The following SLC36A1 variants were observed in gnomAD, a reference collection of about 807,000 sequenced individuals.
The protein encoded by SLC36A1 is solute carrier family 36 member 1, also known as proton-coupled amino acid transporter 1.
In SLC36A1, 30 loss-of-function variants were observed where a neutral mutation model predicts 47.5. The ratio of observed to expected loss-of-function variants is 0.63; its 90% CI spans 0.47 to 0.86. The LOEUF (loss-of-function observed/expected upper bound fraction) is 0.86. Ranked by LOEUF, SLC36A1 falls within the 40% of genes least tolerant of loss-of-function variation. The probability of loss-of-function intolerance (pLI) is 0.00; values close to 1 mark genes in which losing one functional copy is unlikely to be tolerated. For synonymous variants in SLC36A1, 255 were observed against 249.7 expected (o/e 1.02, Z -0.20); for missense variants, 517 against 606.0 (o/e 0.85, Z 1.54).
intron 1 of SLC36A1, among the ~76,000 whole-genome samples, chr5:151,452,169 T>G (rs1319533681): frequency 1.3e-5 from 2 of 152,242 alleles, no homozygotes; most frequent in Non-Finnish European, 2.9e-5. Context: ...TGTTCTAGCA[T>G]CAGACTCCTA....
chr5:151,552,659 C>A, the SLC36A1 span, among the ~76,000 whole-genome samples: 1 of 152,158 alleles, frequency 6.6e-6, no homozygotes, highest in Admixed American at 6.5e-5. Context: ...GATGTTGAAA[C>A]AAAACCTTGA....
At chr5:151,522,119 C>T in the SLC36A1 span, 1 of 1,501,304 alleles carries the variant, frequency 6.7e-7, no homozygotes, top group Non-Finnish European at 9.0e-7. Context: ...TGTCACCCAA[C>T]AGAACTGCAG....
chr5:151,384,472 T>C, the SLC36A1 span, among the ~76,000 whole-genome samples: 1 of 150,838 alleles, frequency 6.6e-6, no homozygotes, highest in African/African-American at 2.5e-5. Flanking sequence ...AAGGCAAACA[T>C]ATATGTTTCA....
intron 1 of SLC36A1, among the ~76,000 whole-genome samples, chr5:151,440,989 G>T (rs1413156908): frequency 6.6e-6 from 1 of 152,196 alleles, no homozygotes; most frequent in African/African-American, 2.4e-5. Flanking sequence ...CTCCTAGAGG[G>T]CTTTTCAAAA....
chr5:151,551,575 CTCAATG>C, the SLC36A1 span: 1 of 1,614,212 alleles, frequency 6.2e-7, no homozygotes. Flanking sequence ...CTGTGGTCTT[CTCAATG>C]TCAAAGTCCA....
At chr5:151,507,372 G>T in the SLC36A1 span, 22 of 1,614,082 alleles carry the variant, frequency 1.4e-5, no homozygotes, top group Non-Finnish European at 1.6e-5. Context: ...GAGCTCGATG[G>T]CAGGCATGGC....
chr5:151,463,597 C>G lies in SLC36A1; in HGVS notation c.188C>G (p.Thr63Arg). The part of the protein sequence containing the change: ...LIHLLKGNIG[T>R]GLLGLPLAVK... ...CACCTGTTAAAAGGCAACATTGGCA[C>G]AGGACTCCTGGGACTCCCTCTGGCG... Residue 63 changes from threonine to arginine, a missense_variant, in exon 3 of 11, where the codon ACA becomes AGA. Thr to Arg is a moderately conservative substitution (Grantham distance 71). Transcript: ENST00000243389. 6.2e-7 allele frequency: 1 copy of G among 1,614,184 alleles called. No homozygotes were observed. Among genetic ancestry groups the G allele is most frequent in the African/African-American group, 1.3e-5 (1 of 75,048 alleles).
the SLC36A1 span, chr5:151,507,549 C>G: frequency 6.2e-7 from 1 of 1,614,156 alleles, no homozygotes; most frequent in Non-Finnish European, 8.5e-7. Context: ...CCAGTCCCCC[C>G]TTTGGATCTC....
chr5:151,549,002 T>C, the SLC36A1 span, among the ~76,000 whole-genome samples: 2 of 152,226 alleles, frequency 1.3e-5, no homozygotes, highest in Non-Finnish European at 2.9e-5. Flanking sequence ...TTTTAAATGT[T>C]GCATGGACTT....
the SLC36A1 span, among the ~76,000 whole-genome samples, chr5:151,408,241 T>C: frequency 6.6e-6 from 1 of 152,196 alleles, no homozygotes; most frequent in Non-Finnish European, 1.5e-5. Flanking sequence ...CAGGCTGGAG[T>C]GCAGTGGTGC....
chr5:151,358,976 G>A, the SLC36A1 span, among the ~76,000 whole-genome samples: 2 of 86,262 alleles, frequency 2.3e-5, no homozygotes, highest in African/African-American at 1.3e-4. Context: ...GCGAGACTCC[G>A]TCTCAAAAAA....
the SLC36A1 span, among the ~76,000 whole-genome samples, chr5:151,351,086 A>G: frequency 6.6e-6 from 1 of 152,186 alleles, no homozygotes; most frequent in African/African-American, 2.4e-5. Flanking sequence ...ATTACATGAG[A>G]AAATAAACAA....
chr5:151,411,501 C>G, the SLC36A1 span, among the ~76,000 whole-genome samples: 3 of 144,590 alleles, frequency 2.1e-5, no homozygotes, highest in Non-Finnish European at 4.6e-5. Context: ...CTTCTGGTGG[C>G]TAAATTGTAA....
At chr5:151,536,221 GAA>G in the SLC36A1 span, among the ~76,000 whole-genome samples, 1 of 150,848 alleles carries the variant, frequency 6.6e-6, no homozygotes, top group Non-Finnish European at 1.5e-5. Context: ...TCCATATTCA[GAA>G]AAAAAAACGC....
chr5:151,446,240 C>T (rs531371871), upstream of SLC36A1, among the ~76,000 whole-genome samples: 8 of 152,170 alleles, frequency 5.3e-5, no homozygotes, highest in South Asian at 4.1e-4. Flanking sequence ...CTGGTTGTTT[C>T]GAAGCATAGG....
upstream of SLC36A1, among the ~76,000 whole-genome samples, chr5:151,433,289 TTTTTTTTTTTTG>T: frequency 2.9e-5 from 2 of 68,716 alleles, no homozygotes; most frequent in African/African-American, 1.1e-4. Flanking sequence ...TTTTTTTTTT[TTTTTTTTTTTTG>T]AGACGGAGTT....
chr5:151,534,715 T>C, the SLC36A1 span: 4 of 1,309,438 alleles, frequency 3.1e-6, no homozygotes, highest in East Asian at 9.4e-5. Context: ...TCTATATATC[T>C]ACAGGAGACA....
At chr5:151,531,963 A>T in the SLC36A1 span, 1 of 1,614,134 alleles carries the variant, frequency 6.2e-7, no homozygotes, top group Non-Finnish European at 8.5e-7. This position sits in a 1 kb window ranked among gnomAD's most constrained non-coding sequence, Gnocchi z 5.7. Flanking sequence ...CCACCTGGGC[A>T]TTGGCGCCTG....
chr5:151,478,588 A>G (rs1758388157), intron 9 of SLC36A1, among the ~76,000 whole-genome samples: 1 of 152,148 alleles, frequency 6.6e-6, no homozygotes, highest in Admixed American at 6.5e-5. Context: ...TTTAATTGCA[A>G]TTTTGTTTTT....
Sources: gnomAD v4.1 joint callset for allele counts (sites outside exome capture counted in the v4.1 genomes callset) on GRCh38, gnomAD v4.1.1 for gene constraint, Gnocchi (gnomAD v3.1) non-coding constraint, MANE v1.5 for transcripts, NCBI Gene and HGNC (gene_info 2026-07-23, HGNC 2026-07-21) for gene names.